Variants in MTUS2 observed in about 807,000 individuals in gnomAD.
The protein encoded by MTUS2 is microtubule-associated tumor suppressor candidate 2.
A neutral mutation model predicts 114.1 loss-of-function variants in MTUS2; 40 were observed. The observed-to-expected ratio is 0.35, with a 90% CI of 0.27 to 0.46. The LOEUF is 0.46. MTUS2 is among the 20% of genes least tolerant of loss of function. MTUS2 has a pLI of 1.00. For missense variants in MTUS2, 1,679 were observed against 1,705.4 expected (o/e 0.98, Z 0.27); for synonymous variants, 688 against 672.0 (o/e 1.02, Z -0.37).
At chr13:28,883,695 G>A (rs1255462309) in intron 2 of MTUS2, among the ~76,000 whole-genome samples, 1 of 152,152 alleles carries the variant, frequency 6.6e-6, no homozygotes, top group Non-Finnish European at 1.5e-5. Flanking sequence ...GGAGATTTGT[G>A]GTGATGGAGC....
chr13:28,915,842 T>A (rs1019571484), intron 2 of MTUS2, among the ~76,000 whole-genome samples: 1 of 151,946 alleles, frequency 6.6e-6, no homozygotes, highest in Admixed American at 6.6e-5. Flanking sequence ...TGCCTGTCCT[T>A]GTGGGTTATT....
chr13:29,299,972 A>G (rs1250320327), intron 6 of MTUS2, among the ~76,000 whole-genome samples: 1 of 151,954 alleles, frequency 6.6e-6, no homozygotes, highest in Admixed American at 6.6e-5. Flanking sequence ...AGGGGGGGGC[A>G]CTTGATTTTA....
At chr13:29,281,594 T>TC (rs1424022885) in intron 5 of MTUS2, 110 bp from the exon 6 acceptor site, 11 of 1,211,020 alleles carry the variant, frequency 9.1e-6, no homozygotes, top group Non-Finnish European at 1.2e-5. Flanking sequence ...AAGAATCAGG[T>TC]CAAGTTCTAA....
chr13:28,977,407 C>G lies in MTUS2; in HGVS notation c.-242-47050C>G, dbSNP rs555349094. ...AGTTATAATCAGCTGCTAACAGGTT[C>G]AAATGACTTTGGGAAATAAACTGGG... On this transcript the variant is annotated intron_variant, in intron 2 of 15. Transcript: ENST00000612955. Among the ~76,000 whole-genome samples, 10 of 152,250 alleles carry G rather than the reference C, an allele frequency of 6.6e-5. No individual in the cohort carries two copies. The South Asian group carries it at 2.1e-3, about 32-fold the overall frequency.
chr13:29,456,984 T>TAA (rs577887493), intron 9 of MTUS2, among the ~76,000 whole-genome samples: 9,332 of 145,316 alleles, frequency 0.064, 325 homozygotes, highest in African/African-American at 0.087. Flanking sequence ...AAAAATATAT[T>TAA]AAAAAAAAAA....
At chr13:29,484,317 G>C (rs921352840) in intron 10 of MTUS2, 1 of 152,284 alleles carries the variant, frequency 6.6e-6, no homozygotes, top group Non-Finnish European at 1.5e-5. Flanking sequence ...CTCCTGCAGA[G>C]CAGGCTCATA....
chr13:29,346,503 G>A (rs1286036519), intron 7 of MTUS2, among the ~76,000 whole-genome samples: 2 of 150,662 alleles, frequency 1.3e-5, no homozygotes, highest in Admixed American at 6.6e-5. Flanking sequence ...GCAGTGACAG[G>A]CCTTACCCAA....
intron 3 of MTUS2, among the ~76,000 whole-genome samples, chr13:29,028,148 C>G (rs1261462142): frequency 2.7e-5 from 4 of 146,232 alleles, no homozygotes; most frequent in South Asian, 4.1e-4. Context: ...GTCAGGAGAT[C>G]GAGACCATCC....
chr13:29,404,205 G>A (rs983469134), intron 8 of MTUS2, among the ~76,000 whole-genome samples: 2 of 148,584 alleles, frequency 1.3e-5, no homozygotes, highest in Admixed American at 1.3e-4. Flanking sequence ...ACAAAAATTA[G>A]CCGAGTGTGG....
At chr13:28,915,132 T>A (rs1386648775) in intron 2 of MTUS2, among the ~76,000 whole-genome samples, 5 of 151,750 alleles carry the variant, frequency 3.3e-5, no homozygotes, top group Admixed American at 3.3e-4. Context: ...GATCTCATTC[T>A]TTTTTAATGG....
intron 5 of MTUS2, among the ~76,000 whole-genome samples, chr13:29,253,233 C>A (rs2139437150): frequency 6.6e-6 from 1 of 152,040 alleles, no homozygotes; most frequent in South Asian, 2.1e-4. Flanking sequence ...TGAAACCAGC[C>A]TGACCAACAT....
At chr13:29,119,221 A>C (rs1891209566) in intron 5 of MTUS2, among the ~76,000 whole-genome samples, 1 of 152,242 alleles carries the variant, frequency 6.6e-6, no homozygotes, top group African/African-American at 2.4e-5. Flanking sequence ...ATCTCAGTAC[A>C]TAGATACACA....
chr13:29,391,151 G>A (rs552797015), intron 8 of MTUS2, among the ~76,000 whole-genome samples: 120 of 152,038 alleles, frequency 7.9e-4, no homozygotes, highest in African/African-American at 2.7e-3. Flanking sequence ...GTGCAGTGGC[G>A]TGATCCTGGC....
chr13:29,144,627 A>G (rs1173614736), intron 5 of MTUS2, among the ~76,000 whole-genome samples: 2 of 152,140 alleles, frequency 1.3e-5, no homozygotes, highest in East Asian at 3.9e-4. Context: ...TGTCATCTGG[A>G]GGTCACCCTC....
At chr13:29,421,823 G>T (rs1171311139) in intron 8 of MTUS2, among the ~76,000 whole-genome samples, 1 of 152,184 alleles carries the variant, frequency 6.6e-6, no homozygotes, top group Admixed American at 6.5e-5. Flanking sequence ...AAGGAGTACT[G>T]GGGAGCAGAG....
At chr13:29,436,228 C>A (rs187461960) in intron 8 of MTUS2, among the ~76,000 whole-genome samples, 168 of 152,282 alleles carry the variant, frequency 1.1e-3, no homozygotes, top group South Asian at 4.1e-3. Flanking sequence ...TCTATCTAAG[C>A]ATGGCTAGGA....
chr13:29,244,752 C>T (rs975343944), intron 5 of MTUS2, among the ~76,000 whole-genome samples: 2 of 151,262 alleles, frequency 1.3e-5, no homozygotes, highest in African/African-American at 2.4e-5. Context: ...GTCAGGAGAT[C>T]GAGACCATCC....
chr13:29,326,940 A>G (rs970771056), intron 7 of MTUS2, among the ~76,000 whole-genome samples: 2 of 152,186 alleles, frequency 1.3e-5, no homozygotes, highest in African/African-American at 4.8e-5. Flanking sequence ...AGGTCACGCC[A>G]CTACACTCCA....
chr13:29,437,963 A>G (rs534382325), intron 8 of MTUS2, among the ~76,000 whole-genome samples: 1,720 of 143,232 alleles, frequency 0.012, 42 homozygotes, highest in African/African-American at 0.042. Context: ...AAAAAAAAAA[A>G]GTATAAGACT....
Sources: allele counts gnomAD v4.1 joint callset (sites outside exome capture counted in the v4.1 genomes callset), GRCh38; gene constraint gnomAD v4.1.1; transcripts MANE v1.5; gene names NCBI Gene and HGNC (gene_info 2026-07-23, HGNC 2026-07-21).